Variants in PCDHGA4 observed in about 807,000 individuals in gnomAD.
The protein encoded by PCDHGA4 is protocadherin gamma subfamily A, 4, also known as protocadherin gamma-A4.
Under a neutral mutation model 54.6 loss-of-function variants are expected in PCDHGA4, and 38 were observed. The observed-to-expected ratio is 0.70, with a 90% CI of 0.54 to 0.91. PCDHGA4 has a LOEUF of 0.91. Among genes scored for constraint, PCDHGA4 ranks in the 40% least tolerant of loss-of-function variants. PCDHGA4 has a pLI of 0.00. For missense variants in PCDHGA4, 1,298 were observed against 1,220.9 expected (o/e 1.06, Z -0.94); for synonymous variants, 511 against 512.9 (o/e 1.00, Z 0.05).
At chr5:141,407,943 T>C (rs575027782) in intron 1 of PCDHGA4, 7 of 537,790 alleles carry the variant, frequency 1.3e-5, no homozygotes, top group African/African-American at 7.6e-5. Flanking sequence ...TGGGCGCCGC[T>C]GTCGGCCAGT....
intron 2 of PCDHGA4, among the ~76,000 whole-genome samples, chr5:141,502,408 G>A (rs1197275813): frequency 6.6e-6 from 1 of 151,782 alleles, no homozygotes; most frequent in Non-Finnish European, 1.5e-5. Context: ...CCCGAACCTG[G>A]ATTTGCTGGC....
At chr5:141,434,561 G>A (rs2097702856) in intron 1 of PCDHGA4, among the ~76,000 whole-genome samples, 1 of 152,188 alleles carries the variant, frequency 6.6e-6, no homozygotes, top group Non-Finnish European at 1.5e-5. Flanking sequence ...GTGCCTTAAG[G>A]ACATGCCCCT....
At position 141,386,158 on chromosome 5, in the gene PCDHGA4, A is replaced by G. The variant is rs530436705; in HGVS notation, c.2514+28537A>G. ...TGGCTTTGTTTCAACTGTCTCACGTACTCAAACCTTAGACCATCTTATGTA... is the reference window on the plus strand; with the variant it reads ...TGGCTTTGTTTCAACTGTCTCACGTGCTCAAACCTTAGACCATCTTATGTA... On this transcript the variant is annotated intron_variant, in intron 1 of 3. Coordinates refer to ENST00000571252, the MANE Select transcript of PCDHGA4 (RefSeq NM_018917.4). Among the ~76,000 whole-genome samples, 24 of 152,284 alleles carry G rather than the reference A, an allele frequency of 1.6e-4. No individual in the cohort carries two copies. In the East Asian group the frequency reaches 4.6e-3, roughly 29 times the overall value.
At chr5:141,419,325 AC>A (rs768622826) in intron 1 of PCDHGA4, 1 of 1,613,702 alleles carries the variant, frequency 6.2e-7, no homozygotes, top group Non-Finnish European at 8.5e-7. Context: ...CGTGTCTCCT[AC>A]TCTCTCATTG....
In PCDHGA4 at chr5:141,426,319, C is replaced by A. The variant is rs572457971; in HGVS notation, c.2515-68488C>A. On this transcript the variant is annotated intron_variant, in intron 1 of 3. Coordinates refer to ENST00000571252, the MANE Select transcript of PCDHGA4 (RefSeq NM_018917.4). ...CAGGGTGAAGCAGAGAAGCAGGACC[C>A]GGCAGTGGCAAGCACTCTTCCCTTT... 9 of 175,482 alleles carry A rather than the reference C, an allele frequency of 5.1e-5. No homozygotes were observed. In the East Asian group the frequency reaches 6.8e-4, roughly 13 times the overall value. The allele number at this position is 175,482 out of a possible 1,614,324, so 10.9% of individuals were successfully genotyped here.
At chr5:141,419,315 C>T in intron 1 of PCDHGA4, 1 of 1,613,998 alleles carries the variant, frequency 6.2e-7, no homozygotes. Flanking sequence ...GCTCAACGGC[C>T]GTGTCTCCTA....
chr5:141,362,412 A>G (rs369877843), intron 1 of PCDHGA4: 98 of 1,613,916 alleles, frequency 6.1e-5, no homozygotes, highest in Non-Finnish European at 8.1e-5. Context: ...TTGCCTCACA[A>G]TCAGCCAAGA....
intron 1 of PCDHGA4, chr5:141,361,193 C>G (rs1588559519): frequency 6.2e-7 from 1 of 1,613,962 alleles, no homozygotes; most frequent in East Asian, 2.2e-5. Context: ...ACTTCAGTAT[C>G]TACTCCCCTA....
At chr5:141,408,651 C>G (rs373860648) in intron 1 of PCDHGA4, 3 of 1,614,012 alleles carry the variant, frequency 1.9e-6, no homozygotes, top group South Asian at 1.1e-5. Context: ...TCCGCTGGTA[C>G]ACGACTATCG....
chr5:141,409,172 G>C (rs574905228), intron 1 of PCDHGA4: 1 of 1,614,006 alleles, frequency 6.2e-7, no homozygotes, highest in Non-Finnish European at 8.5e-7. Context: ...AGCGAAGGAC[G>C]GAGGTGGTCT....
chr5:141,490,130 C>A lies in PCDHGA4; in HGVS notation c.2515-4677C>A, dbSNP rs535362535. On this transcript the variant is annotated intron_variant, in intron 1 of 3. Coordinates refer to ENST00000571252, the MANE Select transcript of PCDHGA4 (RefSeq NM_018917.4). The surrounding 1 kb of genome is among the most constrained non-coding windows in gnomAD (Gnocchi z 5.4). ...GTGCGGAACCTCTTTGGCCTAGACC[C>A]TAGCAGTGGGGCAATCCATGTGTTG... 11 of 1,614,242 alleles carry A rather than the reference C, an allele frequency of 6.8e-6. No individual in the cohort carries two copies. In the African/African-American group the frequency reaches 1.3e-4, roughly 20 times the overall value.
At position 141,355,624 on chromosome 5, in the gene PCDHGA4, G is replaced by C. The variant is rs774952817; in HGVS notation, c.517G>C (p.Val173Leu). The change falls in exon 1 of 4, where the codon GTT becomes CTT. Residue 173 changes from valine (V) to leucine (L), a missense_variant. Val to Leu is a conservative substitution (Grantham distance 32). Transcript: ENST00000571252. ...SFGTEQREIK[V>L]AENENPGARF... ...TGGGACAGAACAGAGGGAAATAAAA[G>C]TTGCTGAAAATGAAAATCCTGGGGC... The C allele has an allele frequency of 6.2e-7, 1 of 1,614,002 alleles. No individual in the cohort carries two copies. Among genetic ancestry groups the C allele is most frequent in the South Asian group, 1.1e-5 (1 of 91,084 alleles).
intron 1 of PCDHGA4, among the ~76,000 whole-genome samples, chr5:141,380,312 T>C (rs1776368746): frequency 6.6e-6 from 1 of 152,162 alleles, no homozygotes; most frequent in Middle Eastern, 3.2e-3. Context: ...TGCTTGAGAA[T>C]GAAAATCTAA....
At chr5:141,420,050 C>T in intron 1 of PCDHGA4, 1 of 1,614,076 alleles carries the variant, frequency 6.2e-7, no homozygotes, top group Non-Finnish European at 8.5e-7. Flanking sequence ...TGAGTCAGTT[C>T]TCTGCTCCAA....
rs757797019 is a variant in PCDHGA4 at position 141,487,064 on chromosome 5, G to A, written c.2515-7743G>A. On this transcript the variant is annotated intron_variant, in intron 1 of 3. Transcript: ENST00000571252. The surrounding 1 kb of genome is among the most constrained non-coding windows in gnomAD (Gnocchi z 5.0). The stretch of plus-strand genomic sequence containing the variant: ...TCGATATGCTGGGGAGGTGCGGACG[G>A]CTGTTCCTATCCCAGCTGACCTCCC... 6.2e-6 allele frequency: 10 copies of A among 1,614,006 alleles called. No individual in the cohort carries two copies.
rs751145850 is a variant in PCDHGA4 at position 141,432,148 on chromosome 5, G to A, written c.2515-62659G>A. The A allele has an allele frequency of 6.1e-5, 99 of 1,613,884 alleles. No individual in the cohort carries two copies. The Admixed American group carries it at 1.5e-3, about 24-fold the overall frequency. On this transcript the variant is annotated intron_variant, in intron 1 of 3. Transcript: ENST00000571252. The surrounding 1 kb of genome is among the most constrained non-coding windows in gnomAD (Gnocchi z 6.0). ...CCTCCTATTCCGCTTATATCCCAGA[G>A]AACAATCCCAGAGGAGTTTCCCTCG...
intron 1 of PCDHGA4, among the ~76,000 whole-genome samples, chr5:141,435,770 C>G (rs1445835726): frequency 6.6e-6 from 1 of 152,070 alleles, no homozygotes; most frequent in Non-Finnish European, 1.5e-5. Context: ...TTGGTGAATT[C>G]TGTAAAGGTG....
chr5:141,362,333 C>G, intron 1 of PCDHGA4: 1 of 1,614,070 alleles, frequency 6.2e-7, no homozygotes, highest in Non-Finnish European at 8.5e-7. Context: ...GGTCTCAGCT[C>G]CAAGCCTGGA....
At chr5:141,501,409 A>G (rs1358547245) in intron 2 of PCDHGA4, among the ~76,000 whole-genome samples, 1 of 151,978 alleles carries the variant, frequency 6.6e-6, no homozygotes, top group African/African-American at 2.4e-5. Context: ...ACTGCTTGGA[A>G]AATAGTTGAC....
Sources: allele counts gnomAD v4.1 joint callset (sites outside exome capture counted in the v4.1 genomes callset), GRCh38; gene constraint gnomAD v4.1.1; non-coding constraint Gnocchi (gnomAD v3.1); transcripts MANE v1.5; gene names NCBI Gene and HGNC (gene_info 2026-07-23, HGNC 2026-07-21).